Variants in ST18 observed in about 807,000 individuals in gnomAD.
ST18 encodes the protein suppression of tumorigenicity 18 protein.
A neutral mutation model predicts 110.0 loss-of-function variants in ST18; 50 were observed. The ratio of observed to expected loss-of-function variants is 0.45; its 90% CI spans 0.36 to 0.58. The LOEUF (loss-of-function observed/expected upper bound fraction) is 0.58, where lower values mean the gene tolerates loss of function less well. Among genes scored for constraint, ST18 ranks in the 20% least tolerant of loss-of-function variants. The pLI, the probability that ST18 is intolerant of heterozygous loss-of-function variation, is 0.00. For synonymous variants in ST18, 461 were observed against 452.4 expected, an observed-to-expected ratio of 1.02 and a Z score of -0.24; for missense variants, 1,306 against 1,280.1, an observed-to-expected ratio of 1.02 and a Z score of -0.31.
At chr8:52,201,648 T>C (rs2078017134) in intron 8 of ST18, among the ~76,000 whole-genome samples, 1 of 151,696 alleles carries the variant, frequency 6.6e-6, no homozygotes. Flanking sequence ...CAGATGTGGC[T>C]CTTCGTCCCA....
At chr8:52,363,695 C>A (rs1490666465) in intron 2 of ST18, among the ~76,000 whole-genome samples, 1 of 152,078 alleles carries the variant, frequency 6.6e-6, no homozygotes, top group African/African-American at 2.4e-5. Context: ...ACTCTTCAGA[C>A]CCTCAATTTT....
intron 2 of ST18, among the ~76,000 whole-genome samples, chr8:52,306,759 T>G (rs1589770695): frequency 6.6e-6 from 1 of 152,286 alleles, no homozygotes; most frequent in East Asian, 1.9e-4. Context: ...GATCTTGGAC[T>G]TACCTGGTTT....
chr8:52,322,052 C>A (rs1804183334), intron 2 of ST18, among the ~76,000 whole-genome samples: 1 of 152,192 alleles, frequency 6.6e-6, no homozygotes, highest in African/African-American at 2.4e-5. Flanking sequence ...CCATTCTGTA[C>A]AATACAATGC....
At chr8:52,167,227 A>G (rs2063309475) in intron 10 of ST18, among the ~76,000 whole-genome samples, 1 of 152,212 alleles carries the variant, frequency 6.6e-6, no homozygotes, top group Non-Finnish European at 1.5e-5. Flanking sequence ...AAATACAGAG[A>G]TGGTTTTAAG....
chr8:52,387,241 T>C (rs910822013), intron 2 of ST18, among the ~76,000 whole-genome samples: 27 of 152,148 alleles, frequency 1.8e-4, no homozygotes, highest in Admixed American at 1.4e-3. Flanking sequence ...AATGAAAAAT[T>C]ATCATCTCTA....
intron 2 of ST18, among the ~76,000 whole-genome samples, chr8:52,271,091 G>T (rs1051665298): frequency 6.6e-6 from 1 of 151,890 alleles, no homozygotes; most frequent in Admixed American, 6.6e-5. Context: ...GTAGAGATGG[G>T]GTTTCACTGT....
intron 2 of ST18, among the ~76,000 whole-genome samples, chr8:52,355,618 A>C (rs1461618912): frequency 2.0e-5 from 3 of 152,178 alleles, no homozygotes; most frequent in Non-Finnish European, 4.4e-5. Context: ...TTCGGTCAAA[A>C]ACTTATGACA....
chr8:52,111,968 G>C lies in ST18; in HGVS notation c.*1230C>G, dbSNP rs1358891870. 6.6e-6 allele frequency: 1 copy of C among 152,420 alleles called. No individual in the cohort carries two copies. Among genetic ancestry groups the C allele is most frequent in the Non-Finnish European group, 1.5e-5 (1 of 68,028 alleles). 9.4% of individuals were successfully genotyped at this position (152,420 alleles called of 1,614,324 possible). A position where few individuals can be genotyped will look rare whatever the true frequency, so the allele number is the denominator to read the frequency against. ...TGAGTCTGTGTGTGTGTGTGTGTGT[G>C]TGTCTGTGTGTGAGTATGCCTGTGT... On this transcript the variant is annotated 3_prime_UTR_variant, in exon 26 of 26. Transcript: ENST00000689386.
In ST18 at chr8:52,133,046, G is replaced by A; in HGVS notation, c.2444+11C>T. 1 of 1,614,008 alleles carries A rather than the reference G, an allele frequency of 6.2e-7. No individual in the cohort carries two copies. Among genetic ancestry groups the A allele is most frequent in the Non-Finnish European group, 8.5e-7 (1 of 1,179,954 alleles). On this transcript the variant is annotated intron_variant, in intron 21 of 25. Coordinates refer to ENST00000689386, the MANE Select transcript of ST18 (RefSeq NM_001352837.2). ...GACAGCTGACCCCCATGTCTCAACT[G>A]TTGCACTTACTTCAGTTCAGGGTCT...
At chr8:52,302,388 T>C (rs931553287) in intron 2 of ST18, among the ~76,000 whole-genome samples, 5 of 152,222 alleles carry the variant, frequency 3.3e-5, no homozygotes, top group Non-Finnish European at 7.3e-5. Flanking sequence ...GAAATAAATA[T>C]AGATTTCAAT....
chr8:52,234,167 T>C (rs1013864876), intron 2 of ST18, among the ~76,000 whole-genome samples: 1 of 152,194 alleles, frequency 6.6e-6, no homozygotes, highest in African/African-American at 2.4e-5. Context: ...AACTACAGAA[T>C]CCCAGCCTTT....
At chr8:52,177,899 C>G (rs140898887) in intron 9 of ST18, among the ~76,000 whole-genome samples, 1 of 152,140 alleles carries the variant, frequency 6.6e-6, no homozygotes, top group Non-Finnish European at 1.5e-5. Flanking sequence ...ATATCATTTA[C>G]GTGTCTGGAA....
intron 2 of ST18, among the ~76,000 whole-genome samples, chr8:52,230,797 C>T (rs10958311): frequency 4.7e-5 from 6 of 128,198 alleles, no homozygotes; most frequent in East Asian, 4.6e-4. Context: ...AAAATACTGC[C>T]GAACCCTTGG....
chr8:52,165,431 A>G (rs1262558971), intron 11 of ST18, among the ~76,000 whole-genome samples: 1 of 152,174 alleles, frequency 6.6e-6, no homozygotes, highest in Non-Finnish European at 1.5e-5. Context: ...AATTTCTCTA[A>G]ACTCCACGTT....
intron 2 of ST18, among the ~76,000 whole-genome samples, chr8:52,391,453 T>C (rs1022752295): frequency 6.6e-6 from 1 of 152,130 alleles, no homozygotes; most frequent in African/African-American, 2.4e-5. Context: ...GGAAGGAGAA[T>C]TTCAGTCGCG....
intron 8 of ST18, among the ~76,000 whole-genome samples, chr8:52,189,024 A>C (rs576611864): frequency 2.6e-5 from 4 of 152,266 alleles, no homozygotes; most frequent in African/African-American, 4.8e-5. Flanking sequence ...CACACTAAGA[A>C]ATATAAAATC....
chr8:52,176,871 G>T (rs1036212527), intron 9 of ST18, among the ~76,000 whole-genome samples: 2 of 152,172 alleles, frequency 1.3e-5, no homozygotes, highest in East Asian at 3.9e-4. Flanking sequence ...ACTTTTATAG[G>T]TAAATTGGTT....
chr8:52,213,830 T>A (rs1335623056), intron 7 of ST18, among the ~76,000 whole-genome samples: 1 of 152,180 alleles, frequency 6.6e-6, no homozygotes, highest in Admixed American at 6.5e-5. Context: ...AATCAAAACC[T>A]GCTTTGACAA....
chr8:52,356,431 T>C (rs961853475), intron 2 of ST18, among the ~76,000 whole-genome samples: 6 of 152,154 alleles, frequency 3.9e-5, no homozygotes, highest in African/African-American at 1.4e-4. Context: ...AAAAATAGTT[T>C]AGAAATGTCA....
Sources: gnomAD v4.1 joint callset for allele counts (sites outside exome capture counted in the v4.1 genomes callset) on GRCh38, gnomAD v4.1.1 for gene constraint, MANE v1.5 for transcripts, NCBI Gene and HGNC (gene_info 2026-07-23, HGNC 2026-07-21) for gene names.